The following PLD5 variants were observed in gnomAD, a reference collection of about 807,000 sequenced individuals.
PLD5 encodes inactive phospholipase D5.
PLD5 carries 36 observed loss-of-function variants against 61.1 expected under a neutral mutation model. That is an observed-to-expected ratio of 0.59 (90% CI 0.45 to 0.78). The LOEUF is 0.78. PLD5 is among the 30% of genes least tolerant of loss of function. The pLI is 0.00. For synonymous variants in PLD5, 243 were observed against 242.8 expected, an observed-to-expected ratio of 1.00 and a Z score of -0.01; for missense variants, 515 against 644.4, an observed-to-expected ratio of 0.80 and a Z score of 2.17.
intron 5 of PLD5, among the ~76,000 whole-genome samples, chr1:242,133,647 C>T (rs1207592616): frequency 6.6e-6 from 1 of 152,116 alleles, no homozygotes; most frequent in Non-Finnish European, 1.5e-5. Context: ...TCCTCCCTTT[C>T]ACTGTAGTCA....
intron 4 of PLD5, among the ~76,000 whole-genome samples, chr1:242,261,680 T>C (rs1673380931): frequency 1.3e-5 from 2 of 152,142 alleles, no homozygotes; most frequent in South Asian, 4.1e-4. Flanking sequence ...GGCAAAATAC[T>C]TGCAGAGGCA....
rs868512123 is a variant in PLD5, at chr1:242,135,719, C to G, written c.736-11054G>C. 2.0e-5 allele frequency among the ~76,000 whole-genome samples: 3 copies of G among 152,254 alleles called. No individual in the cohort carries two copies. The Middle Eastern group carries it at 0.01, about 518-fold the overall frequency. On this transcript the variant is annotated intron_variant, in intron 5 of 9. Coordinates refer to ENST00000536534, the MANE Select transcript of PLD5 (RefSeq NM_001372062.1). The stretch of plus-strand genomic sequence containing the variant: ...CCAGGGTCATGATTGAATCTCAGTT[C>G]ATATTGTAACTTGGTCCTCCTTATC...
Position 242,268,227 on chromosome 1 carries a change from TC to T in PLD5, c.496-2780del, listed in dbSNP as rs1194236255. On this transcript the variant is annotated intron_variant, in intron 3 of 9. Coordinates refer to ENST00000536534, the MANE Select transcript of PLD5 (RefSeq NM_001372062.1). ...TGGTGATGTGTGCATGGCCCAGATTTCCCGAACCTAAACTCGTGGTCATCTC... is the reference window on the plus strand; with the variant it reads ...TGGTGATGTGTGCATGGCCCAGATTTCCGAACCTAAACTCGTGGTCATCTC... Among the ~76,000 whole-genome samples, 9 of 152,214 alleles carry T rather than the reference TC, an allele frequency of 5.9e-5. No homozygotes were observed. In the South Asian group the frequency reaches 1.7e-3, roughly 28 times the overall value.
intron 1 of PLD5, among the ~76,000 whole-genome samples, chr1:242,421,871 A>G (rs895288198): frequency 1.1e-4 from 16 of 152,222 alleles, no homozygotes; most frequent in Non-Finnish European, 1.5e-5. Context: ...GTGAAATGCA[A>G]ATATCCTTCT....
intron 2 of PLD5, among the ~76,000 whole-genome samples, chr1:242,328,675 G>T (rs548734766): frequency 1.3e-5 from 2 of 152,162 alleles, no homozygotes; most frequent in Admixed American, 6.5e-5. Context: ...AGAGATGCTT[G>T]GAAGTATTCT....
chr1:242,140,335 C>A (rs541224752), intron 5 of PLD5, among the ~76,000 whole-genome samples: 1 of 152,300 alleles, frequency 6.6e-6, no homozygotes, highest in East Asian at 1.9e-4. Flanking sequence ...TATCCCAAAA[C>A]CTTGCTATGT....
In PLD5 at chr1:242,105,008, C is replaced by A. The variant is rs941536466; in HGVS notation, c.1239+2663G>T. ...AGCAACACAACAAAAACTTAATAAA[C>A]GATGTAGCATTGGTTTACTCAATGG... On this transcript the variant is annotated intron_variant, in intron 8 of 9. Coordinates refer to ENST00000536534, the MANE Select transcript of PLD5 (RefSeq NM_001372062.1). Among the ~76,000 whole-genome samples, 5 of 152,118 alleles carry A rather than the reference C, an allele frequency of 3.3e-5. No homozygotes were observed. In the East Asian group the frequency reaches 9.6e-4, roughly 29 times the overall value.
chr1:242,271,191 CACACACACACAGAGAGAGAGAG>C (rs1354844057), intron 3 of PLD5, among the ~76,000 whole-genome samples: 3 of 13,204 alleles, frequency 2.3e-4, no homozygotes, highest in African/African-American at 5.0e-4. Flanking sequence ...CACACACACA[CACACACACACAGAGAGAGAGAG>C]AGAGAGAGAG....
intron 1 of PLD5, among the ~76,000 whole-genome samples, chr1:242,395,013 ATG>A (rs1558528079): frequency 1.3e-4 from 18 of 141,586 alleles, no homozygotes; most frequent in African/African-American, 4.0e-4. Flanking sequence ...ATGAATATAT[ATG>A]AATATATATG....
intron 2 of PLD5, among the ~76,000 whole-genome samples, chr1:242,297,158 A>T (rs1246882587): frequency 1.3e-5 from 2 of 152,108 alleles, no homozygotes; most frequent in Non-Finnish European, 2.9e-5. Flanking sequence ...ATCCTGGCCA[A>T]CATGGTGAAA....
At chr1:242,483,342 C>A (rs1264975954) in intron 1 of PLD5, among the ~76,000 whole-genome samples, 1 of 151,690 alleles carries the variant, frequency 6.6e-6, no homozygotes, top group Non-Finnish European at 1.5e-5. Context: ...CACATAGGCT[C>A]AAAATAAAGG....
chr1:242,320,140 A>G (rs183829028), intron 2 of PLD5, among the ~76,000 whole-genome samples: 2 of 152,222 alleles, frequency 1.3e-5, no homozygotes, highest in Admixed American at 1.3e-4. Context: ...TTTACAACAC[A>G]CATACACTGA....
chr1:242,295,843 G>A (rs1191566078), intron 2 of PLD5, among the ~76,000 whole-genome samples: 3 of 152,156 alleles, frequency 2.0e-5, no homozygotes, highest in Non-Finnish European at 4.4e-5. Context: ...TCTGACTGGT[G>A]TGAAATGGTA....
intron 5 of PLD5, among the ~76,000 whole-genome samples, chr1:242,212,780 T>A (rs571628626): frequency 1.0e-3 from 154 of 152,344 alleles, no homozygotes; most frequent in African/African-American, 3.5e-3. Flanking sequence ...TCCCAGATTG[T>A]AATTCTATGC....
At chr1:242,339,833 C>T (rs1041295217) in intron 2 of PLD5, among the ~76,000 whole-genome samples, 1 of 152,076 alleles carries the variant, frequency 6.6e-6, no homozygotes, top group African/African-American at 2.4e-5. Context: ...ATCTTCTCAA[C>T]CAAAGCAATC....
At chr1:242,279,540 A>AT (rs78771148) in intron 3 of PLD5, among the ~76,000 whole-genome samples, 6,710 of 146,100 alleles carry the variant, frequency 0.046, 423 homozygotes, top group East Asian at 0.26. Context: ...TCTGTCTCTC[A>AT]TTTTTTTTTT....
intron 2 of PLD5, among the ~76,000 whole-genome samples, chr1:242,344,923 C>T (rs1660042927): frequency 2.0e-5 from 3 of 152,112 alleles, no homozygotes; most frequent in South Asian, 2.1e-4. Flanking sequence ...GGAGATGAAA[C>T]GCTCTTCTTA....
chr1:242,475,437 A>AAG (rs1553382101), intron 1 of PLD5, among the ~76,000 whole-genome samples: 1 of 151,394 alleles, frequency 6.6e-6, no homozygotes, highest in Non-Finnish European at 1.5e-5. Context: ...AAAAAAAAAA[A>AAG]AAAAGAAAAC....
rs553362522 is a variant in PLD5 at position 242,505,778 on chromosome 1, T to C, written c.189+18310A>G. On this transcript the variant is annotated intron_variant, in intron 1 of 9. Transcript: ENST00000536534. ...GGCATGGGTATTCTCACTGCAGTTA[T>C]ACTGCAATCATGTCCACATCCACAG... Among the ~76,000 whole-genome samples, 8 of 152,196 alleles carry C rather than the reference T, an allele frequency of 5.3e-5. 1 individual carries two copies. In the South Asian group the frequency reaches 1.0e-3, roughly 20 times the overall value.
Sources: allele counts gnomAD v4.1 joint callset (sites outside exome capture counted in the v4.1 genomes callset), GRCh38; gene constraint gnomAD v4.1.1; transcripts MANE v1.5; gene names NCBI Gene and HGNC (gene_info 2026-07-23, HGNC 2026-07-21).